The following CUL9 variants were observed in gnomAD, a reference collection of about 807,000 sequenced individuals.
CUL9 encodes cullin 9, also known as cullin-9.
In CUL9, 79 loss-of-function variants were observed where a neutral mutation model predicts 272.6. The ratio of observed to expected loss-of-function variants is 0.29; its 90% confidence interval spans 0.24 to 0.35. CUL9 has a LOEUF of 0.35. CUL9 is among the 10% of genes least tolerant of loss of function. CUL9 has a pLI of 1.00. For missense variants in CUL9, 2,532 were observed against 3,255.6 expected (o/e 0.78, Z 5.41); for synonymous variants, 1,186 against 1,286.5 (o/e 0.92, Z 1.67).
chr6:43,210,745 A>C (rs1775408200), intron 26 of CUL9, among the ~76,000 whole-genome samples: 1 of 152,158 alleles, frequency 6.6e-6, no homozygotes, highest in Non-Finnish European at 1.5e-5. Flanking sequence ...AAATTCATAA[A>C]TAATAAACTC....
Position 43,216,234 on chromosome 6 carries a change from T to C in CUL9, c.6013T>C (p.Leu2005=), listed in dbSNP as rs61741999. The C allele has an allele frequency of 1.9e-3, 2,997 of 1,613,630 alleles. 21 individuals are homozygous for C. The highest frequency in any genetic ancestry group is 9.3e-3 in the South Asian group (846 of 91,036). The change falls in exon 31 of 41, where the codon TTG becomes CTG. Residue 2005 remains leucine, a synonymous_variant. Coordinates refer to ENST00000252050, the MANE Select transcript of CUL9 (RefSeq NM_015089.4). ...RTMSPQEVEG[L]MKQTVRQVQE... is the part of the protein sequence containing the mutation. ...CATGAGCCCCCAGGAAGTAGAAGGGTTGATGAAGCAGACGGTGCGTCAGGT... is the reference window on the plus strand; with the variant it reads ...CATGAGCCCCCAGGAAGTAGAAGGGCTGATGAAGCAGACGGTGCGTCAGGT...
At chr6:43,183,693 C>T (rs886865532) in intron 1 of CUL9, among the ~76,000 whole-genome samples, 1 of 122,702 alleles carries the variant, frequency 8.1e-6, no homozygotes, top group South Asian at 2.5e-4. Flanking sequence ...TGTAAACTCC[C>T]CTTCCTTCCT....
At position 43,187,012 on chromosome 6, in the gene CUL9, A is replaced by G. The variant is rs370705489; in HGVS notation, c.1304A>G (p.Glu435Gly). 3.3e-5 allele frequency: 53 copies of G among 1,613,978 alleles called. No individual in the cohort carries two copies. Among genetic ancestry groups the G allele is most frequent in the African/African-American group, 4.0e-5 (3 of 74,892 alleles). The change falls in exon 5 of 41, where the codon GAG (glutamate) becomes GGG (glycine). Residue 435 changes from glutamate to glycine, a missense_variant. Glu to Gly is a moderately conservative substitution (Grantham distance 98). Transcript: ENST00000252050. ...RTYWVHWHML[E>G]ILGPEEATED... is the part of the protein sequence containing the mutation. ...TACTGGGTGCACTGGCACATGCTGG[A>G]GATCCTGGGCCCTGAGGAAGCCACT...
chr6:43,184,322 A>G lies in CUL9; in HGVS notation c.12A>G (p.Glu4=). The G allele has an allele frequency of 3.3e-6, 5 of 1,520,384 alleles. No homozygotes were observed. The highest frequency in any genetic ancestry group is 3.5e-6 in the Non-Finnish European group (4 of 1,129,650). The allele number at this position is 1,520,384 out of a possible 1,614,324, so 94.2% of individuals were successfully genotyped here. ...CCCAGGAGGTCAGGATGGTGGGGGAACGGCATGCTGGGGACCTCATGGTGC... is the reference window on the plus strand; with the variant it reads ...CCCAGGAGGTCAGGATGGTGGGGGAGCGGCATGCTGGGGACCTCATGGTGC... MVG[E]RHAGDLMVPL... is the part of the protein sequence containing the mutation. Residue 4 remains glutamate, a synonymous_variant, in exon 2 of 41, where the codon GAA becomes GAG. Coordinates refer to ENST00000252050, the MANE Select transcript of CUL9 (RefSeq NM_015089.4). This position sits in a 1 kb window ranked among gnomAD's most constrained non-coding sequence, Gnocchi z 4.8.
At position 43,206,462 on chromosome 6, in the gene CUL9, A is replaced by G; in HGVS notation, c.5164A>G (p.Thr1722Ala). 6.2e-7 allele frequency: 1 copy of G among 1,614,064 alleles called. No individual in the cohort carries two copies. Among genetic ancestry groups the G allele is most frequent in the Non-Finnish European group, 8.5e-7 (1 of 1,179,990 alleles). ...YLYHPRKCLP[T>A]EFCDALDRFS... ...GTACCATCCCAGAAAGTGCCTTCCCACAGAATTCTGTGATGCCCTTGACCG... is the reference window on the plus strand; with the variant it reads ...GTACCATCCCAGAAAGTGCCTTCCCGCAGAATTCTGTGATGCCCTTGACCG... The change falls in exon 26 of 41, where the codon ACA becomes GCA. Residue 1722 changes from threonine (T) to alanine (A), a missense_variant. By Grantham distance (58) the Thr-to-Ala change is moderately conservative. Transcript: ENST00000252050. The surrounding 1 kb of genome is among the most constrained non-coding windows in gnomAD (Gnocchi z 4.8).
Position 43,223,383 on chromosome 6 carries a change from C to T in CUL9, c.7270C>T (p.Gln2424Ter), listed in dbSNP as rs1228467906. The change falls in exon 39 of 41, where the codon CAG becomes TAG. Residue 2424 changes from glutamine (Q) to a stop codon, truncating the protein, a stop_gained. Coordinates refer to ENST00000252050, the MANE Select transcript of CUL9 (RefSeq NM_015089.4). LOFTEE classifies it high-confidence loss of function. This position sits in a 1 kb window ranked among gnomAD's most constrained non-coding sequence, Gnocchi z 4.1. ...RIQERLLAIL[Q>*]HSAQDFRVGL... ...CCAGGAGAGGCTGCTTGCCATCCTG[C>T]AGCATTCTGCCCAGGTACTGCCCGG... The T allele has an allele frequency of 1.3e-6, 2 of 1,598,822 alleles. No individual in the cohort carries two copies. Among genetic ancestry groups the T allele is most frequent in the African/African-American group, 1.3e-5 (1 of 74,562 alleles).
Position 43,206,444 on chromosome 6 carries a change from C to T in CUL9, c.5146C>T (p.Pro1716Ser). ...CTCCCCACTCTGCTACCTGTACCAT[C>T]CCAGAAAGTGCCTTCCCACAGAATT... The part of the protein sequence containing the change: ...PVSPLCYLYH[P>S]RKCLPTEFCD... The change falls in exon 26 of 41, where the codon CCC (proline) becomes TCC (serine). Residue 1716 changes from proline (P) to serine (S), a missense_variant. Pro to Ser is a moderately conservative substitution (Grantham distance 74). Coordinates refer to ENST00000252050, the MANE Select transcript of CUL9 (RefSeq NM_015089.4). The surrounding 1 kb of genome is among the most constrained non-coding windows in gnomAD (Gnocchi z 4.8). 1.2e-6 allele frequency: 2 copies of T among 1,614,220 alleles called. No homozygotes were observed. Among genetic ancestry groups the T allele is most frequent in the Non-Finnish European group, 1.7e-6 (2 of 1,180,030 alleles).
At chr6:43,185,299 T>A (rs1307109928) in intron 2 of CUL9, among the ~76,000 whole-genome samples, 157 bp from the exon 3 acceptor site, 1 of 152,226 alleles carries the variant, frequency 6.6e-6, no homozygotes, top group Non-Finnish European at 1.5e-5. Flanking sequence ...GTTATATGTA[T>A]GTATGTTTGT....
intron 29 of CUL9, 38 bp from the exon 30 acceptor site, chr6:43,215,041 C>T (rs1775823667): frequency 1.3e-6 from 2 of 1,555,074 alleles, no homozygotes; most frequent in Admixed American, 1.9e-5. Flanking sequence ...CTGCTCCCTA[C>T]ATAAAAGTGG....
chr6:43,191,697 G>A (rs1773529674), intron 8 of CUL9, among the ~76,000 whole-genome samples: 1 of 151,608 alleles, frequency 6.6e-6, no homozygotes, highest in Non-Finnish European at 1.5e-5. Context: ...CGATTCTCCT[G>A]CCTCAGCCTC....
Position 43,222,573 on chromosome 6 carries a change from G to A in CUL9, c.6964G>A (p.Glu2322Lys). Reference sequence around the variant, plus strand: ...GCGGAACCGGGTGTCTGCCATCCATGAAGTGCCCCCGCCCAGATCCTTCAC... The same window carrying A: ...GCGGAACCGGGTGTCTGCCATCCATAAAGTGCCCCCGCCCAGATCCTTCAC... The part of the protein sequence containing the change: ...NLRNRVSAIH[E>K]VPPPRSFTFL... Residue 2322 changes from glutamate (E) to lysine (K), a missense_variant, in exon 37 of 41, where the codon GAA becomes AAA. By Grantham distance (56) the Glu-to-Lys change is moderately conservative. Around this residue, in one of 3 missense-constraint regions of CUL9, gnomAD observed 237 missense variants for 305.9 expected, o/e 0.77. Transcript: ENST00000252050. 6.2e-7 allele frequency: 1 copy of A among 1,613,728 alleles called. No individual in the cohort carries two copies. The highest frequency in any genetic ancestry group is 8.5e-7 in the Non-Finnish European group (1 of 1,180,024).
Position 43,198,872 on chromosome 6 carries a change from G to A in CUL9, c.3050+17G>A, listed in dbSNP as rs373678222. 3.2e-5 allele frequency: 51 copies of A among 1,607,632 alleles called. No individual in the cohort carries two copies. Among genetic ancestry groups the A allele is most frequent in the Middle Eastern group, 1.7e-4 (1 of 5,962 alleles). On this transcript the variant is annotated intron_variant, in intron 12 of 40. Transcript: ENST00000252050. ...TGTGCTGAGGTGAGGGGCCTGTTGA[G>A]GCACCATGCATTGGGACGAGGGAAA...
Position 43,185,438 on chromosome 6 carries a change from A to T in CUL9, c.596-18A>T. On this transcript the variant is annotated intron_variant, in intron 2 of 40. Coordinates refer to ENST00000252050, the MANE Select transcript of CUL9 (RefSeq NM_015089.4). ...ACTGGGGATTGAGGAGAAGATATGG[A>T]TTGGGTATGGATTACAGGGAGTCGG... is the stretch of plus-strand genomic sequence containing the variant. 6.2e-7 allele frequency: 1 copy of T among 1,610,762 alleles called. No homozygotes were observed. Among genetic ancestry groups the T allele is most frequent in the Non-Finnish European group, 8.5e-7 (1 of 1,178,292 alleles).
chr6:43,192,533 G>T (rs893269004), intron 8 of CUL9, among the ~76,000 whole-genome samples: 3 of 152,110 alleles, frequency 2.0e-5, no homozygotes, highest in Non-Finnish European at 2.9e-5. Context: ...AAAATTAGCT[G>T]GGCGTGGTAG....
intron 1 of CUL9, among the ~76,000 whole-genome samples, chr6:43,183,666 T>C (rs1196174727): frequency 6.6e-6 from 1 of 152,206 alleles, no homozygotes; most frequent in African/African-American, 2.4e-5. Context: ...TGCCTATTAC[T>C]GTTTTAATTC....
chr6:43,201,984 TAGA>T (rs1013542081), intron 16 of CUL9, among the ~76,000 whole-genome samples: 5 of 152,062 alleles, frequency 3.3e-5, no homozygotes, highest in Non-Finnish European at 7.3e-5. Context: ...GCGCTGGAGG[TAGA>T]AGAAGGAGGT....
intron 9 of CUL9, among the ~76,000 whole-genome samples, chr6:43,195,311 G>A (rs891711615): frequency 6.6e-6 from 1 of 152,188 alleles, no homozygotes. Context: ...ATTGTATAGT[G>A]TCTATTTTAA....
intron 8 of CUL9, among the ~76,000 whole-genome samples, chr6:43,189,960 A>C (rs538685851): frequency 1.3e-5 from 2 of 152,260 alleles, no homozygotes; most frequent in Non-Finnish European, 2.9e-5. Flanking sequence ...TTGGAAATAG[A>C]GCATTTTCTG....
At chr6:43,190,390 T>C (rs1180557493) in intron 8 of CUL9, among the ~76,000 whole-genome samples, 2 of 152,190 alleles carry the variant, frequency 1.3e-5, no homozygotes, top group Admixed American at 6.5e-5. Flanking sequence ...GGCATTTTGG[T>C]TATTCCTTTG....
Sources: allele counts gnomAD v4.1 joint callset (sites outside exome capture counted in the v4.1 genomes callset), GRCh38; gene constraint gnomAD v4.1.1; regional missense constraint gnomAD v4.1.1; non-coding constraint Gnocchi (gnomAD v3.1); transcripts MANE v1.5; gene names NCBI Gene and HGNC (gene_info 2026-07-23, HGNC 2026-07-21).